Variants in CX3CR1 observed in about 807,000 individuals in gnomAD.
CX3CR1 encodes the protein C-X3-C motif chemokine receptor 1.
For missense variants in CX3CR1, 363 were observed against 432.4 expected, an observed-to-expected ratio of 0.84 and a Z score of 1.42; for synonymous variants, 168 against 178.5, an observed-to-expected ratio of 0.94 and a Z score of 0.47.
At chr3:39,292,478 A>G in the CX3CR1 span, among the ~76,000 whole-genome samples, 2 of 152,200 alleles carry the variant, frequency 1.3e-5, no homozygotes, top group Admixed American at 1.3e-4. Flanking sequence ...CATAAGCCAC[A>G]CAGAATCCTG....
the CX3CR1 span, among the ~76,000 whole-genome samples, chr3:39,291,661 T>C: frequency 3.5e-4 from 53 of 152,336 alleles, no homozygotes; most frequent in Non-Finnish European, 5.4e-4. Flanking sequence ...ATGAAACACA[T>C]GTGCAGCTCA....
chr3:39,287,270 T>A, the CX3CR1 span: 1 of 152,244 alleles, frequency 6.6e-6, no homozygotes, highest in East Asian at 1.9e-4. Flanking sequence ...CTCACAGTTT[T>A]ATCTATGTTT....
upstream of CX3CR1, among the ~76,000 whole-genome samples, chr3:39,283,795 TTA>T (rs59133796): frequency 0.012 from 789 of 65,026 alleles, 8 homozygotes; most frequent in East Asian, 0.028. Flanking sequence ...AAAAAAAAAA[TTA>T]TATATATATA....
chr3:39,288,803 AC>A, the CX3CR1 span, among the ~76,000 whole-genome samples: 1 of 152,040 alleles, frequency 6.6e-6, no homozygotes, highest in Non-Finnish European at 1.5e-5. Context: ...TCAAATCCTG[AC>A]CCTGCTACTC....
At chr3:39,282,595 C>T (rs568286247), upstream of CX3CR1, among the ~76,000 whole-genome samples, 4 of 152,048 alleles carry the variant, frequency 2.6e-5, no homozygotes, top group South Asian at 8.3e-4. Flanking sequence ...TGATGGGTGT[C>T]CCCACCCATC....
the CX3CR1 span, among the ~76,000 whole-genome samples, chr3:39,289,554 A>C: frequency 6.6e-6 from 1 of 151,958 alleles, no homozygotes; most frequent in Non-Finnish European, 1.5e-5. Context: ...TCCCTTTTCT[A>C]CTTGAAACTG....
At chr3:39,282,477 A>T (rs2040912190), upstream of CX3CR1, among the ~76,000 whole-genome samples, 1 of 152,300 alleles carries the variant, frequency 6.6e-6, no homozygotes, top group African/African-American at 2.4e-5. Context: ...GTAAATGCAG[A>T]GGACAGTTTG....
At chr3:39,283,970 T>C (rs1187332482), upstream of CX3CR1, among the ~76,000 whole-genome samples, 2 of 151,606 alleles carry the variant, frequency 1.3e-5, no homozygotes, top group Non-Finnish European at 2.9e-5. Flanking sequence ...GATTGGATTG[T>C]GTGTAACACA....
the CX3CR1 span, among the ~76,000 whole-genome samples, chr3:39,288,172 C>T: frequency 1.3e-5 from 2 of 152,170 alleles, no homozygotes; most frequent in African/African-American, 4.8e-5. Context: ...TCTTTATTCC[C>T]AAATGAACCA....
chr3:39,274,641 T>C (rs1477275810), intron 1 of CX3CR1, among the ~76,000 whole-genome samples: 1 of 151,752 alleles, frequency 6.6e-6, no homozygotes, highest in Non-Finnish European at 1.5e-5. Context: ...CAAAGTAAAC[T>C]GTGAAATTTT....
chr3:39,290,908 C>A, the CX3CR1 span, among the ~76,000 whole-genome samples: 2 of 151,754 alleles, frequency 1.3e-5, no homozygotes, highest in Non-Finnish European at 2.9e-5. Context: ...GGGGACACTG[C>A]GAGACTCTGA....
chr3:39,280,983 C>T (rs1221430706), upstream of CX3CR1: 13 of 665,200 alleles, frequency 2.0e-5, no homozygotes, highest in Non-Finnish European at 2.4e-5. Flanking sequence ...TCTGTGACCC[C>T]TTCAAGGCCC....
chr3:39,276,666 T>C (rs1279235381), intron 1 of CX3CR1, among the ~76,000 whole-genome samples: 1 of 152,266 alleles, frequency 6.6e-6, no homozygotes, highest in Non-Finnish European at 1.5e-5. Context: ...TTTCAGTTTG[T>C]TGCTAGTTTG....
In CX3CR1 at chr3:39,266,153, G is replaced by A; in HGVS notation, c.357C>T (p.Phe119=). Residue 119 remains phenylalanine (F), a synonymous_variant, in exon 2 of 2, where the codon TTC becomes TTT. Transcript: ENST00000399220. ...ACCTATCAATGCTGATGACGGTGAT[G>A]AAGAATATGCTTCCAAAAAAGCCGA... ...FFIGFFGSIF[F]ITVISIDRYL... is the part of the protein sequence containing the mutation. The A allele has an allele frequency of 6.2e-7, 1 of 1,614,206 alleles. No individual in the cohort carries two copies. The highest frequency in any genetic ancestry group is 8.5e-7 in the Non-Finnish European group (1 of 1,180,034).
At chr3:39,284,015 T>C (rs1239861214), upstream of CX3CR1, among the ~76,000 whole-genome samples, 1 of 151,486 alleles carries the variant, frequency 6.6e-6, no homozygotes, top group African/African-American at 2.4e-5. Flanking sequence ...ATACCCCATT[T>C]CCTCTGATGT....
Position 39,265,690 on chromosome 3 carries a change from C to G in CX3CR1, c.820G>C (p.Ala274Pro). 1.9e-6 allele frequency: 3 copies of G among 1,613,928 alleles called. No individual in the cohort carries two copies. The highest frequency in any genetic ancestry group is 2.5e-6 in the Non-Finnish European group (3 of 1,179,826). Residue 274 changes from alanine to proline, a missense_variant, in exon 2 of 2, where the codon GCC becomes CCC. Physicochemically the swap from Ala to Pro is conservative, Grantham distance 27 (BLOSUM62 -1). Transcript: ENST00000399220. ...GCAACCGTCTCAGTCACACTGAGGG[C>G]CAGCCTCAGATCCTTCCTCATGTCA... is the stretch of plus-strand genomic sequence containing the variant. Reference protein sequence around the residue: ...SCDMRKDLRLALSVTETVAFS... With the variant: ...SCDMRKDLRLPLSVTETVAFS...
the CX3CR1 span, among the ~76,000 whole-genome samples, chr3:39,288,388 C>T: frequency 6.6e-6 from 1 of 152,194 alleles, no homozygotes; most frequent in Non-Finnish European, 1.5e-5. Context: ...CTACCCTTTC[C>T]CTTAATGGTC....
intron 1 of CX3CR1, among the ~76,000 whole-genome samples, chr3:39,275,489 G>A (rs2040829271): frequency 6.6e-6 from 1 of 152,182 alleles, no homozygotes; most frequent in South Asian, 2.1e-4. Flanking sequence ...AACCATGTAC[G>A]GCAAACGGTG....
rs1216861753 is a variant in CX3CR1, at chr3:39,265,444, A to G, written c.1066T>C (p.Ter356ArgextTer35). 2 of 1,602,062 alleles carry G rather than the reference A, an allele frequency of 1.2e-6. No individual in the cohort carries two copies. Among genetic ancestry groups the G allele is most frequent in the Admixed American group, 1.7e-5 (1 of 59,144 alleles). ...GACACAAGGCTTTGGGATTCCCTTC[A>G]GAGAAGGAGCAATGCATCTCCATCA... is the stretch of plus-strand genomic sequence containing the variant. ...TSDGDALLLL* is the reference protein window; with the variant it reads ...TSDGDALLLLR Residue 356 changes from the stop codon to arginine, a stop_lost, in exon 2 of 2, where the codon TGA becomes CGA. Transcript: ENST00000399220.
Sources: allele counts gnomAD v4.1 joint callset (sites outside exome capture counted in the v4.1 genomes callset), GRCh38; gene constraint gnomAD v4.1.1; transcripts MANE v1.5; gene names NCBI Gene and HGNC (gene_info 2026-07-23, HGNC 2026-07-21).